The following SULF2 variants were observed in gnomAD, a reference collection of about 807,000 sequenced individuals.
SULF2 encodes sulfatase 2, also known as extracellular sulfatase Sulf-2.
In SULF2, 52 loss-of-function variants were observed where a neutral mutation model predicts 107.7. That is an observed-to-expected ratio of 0.48 (90% CI 0.39 to 0.61). The LOEUF (loss-of-function observed/expected upper bound fraction) is 0.61, where lower values mean the gene tolerates loss of function less well. Among genes scored for constraint, SULF2 ranks in the 20% least tolerant of loss-of-function variants. SULF2 has a pLI of 0.00. For synonymous variants in SULF2, 460 were observed against 464.3 expected (o/e 0.99, Z 0.12); for missense variants, 993 against 1,177.3 (o/e 0.84, Z 2.29).
intron 3 of SULF2, 85 bp from the exon 4 acceptor site, chr20:47,702,755 T>C (rs1160406946): frequency 1.8e-5 from 24 of 1,324,280 alleles, no homozygotes; most frequent in Non-Finnish European, 2.2e-5. Context: ...GGCCTGAGCA[T>C]GCACACCTGC....
At chr20:47,682,102 C>T (rs762088714) in intron 7 of SULF2, among the ~76,000 whole-genome samples, 5 of 152,096 alleles carry the variant, frequency 3.3e-5, no homozygotes, top group East Asian at 3.9e-4. Flanking sequence ...CAAAGACGGG[C>T]GTGATCTGAT....
intron 2 of SULF2, among the ~76,000 whole-genome samples, chr20:47,742,263 G>A (rs1016303958): frequency 6.6e-6 from 1 of 152,228 alleles, no homozygotes; most frequent in African/African-American, 2.4e-5. Context: ...TCCGACGGGA[G>A]GGAAGGACCT....
intron 3 of SULF2, among the ~76,000 whole-genome samples, chr20:47,714,472 C>T (rs1318117809): frequency 6.6e-6 from 1 of 152,158 alleles, no homozygotes; most frequent in African/African-American, 2.4e-5. Flanking sequence ...CTGACCACTT[C>T]CCATCATCCG....
chr20:47,674,384 T>C (rs1399458386), intron 10 of SULF2, among the ~76,000 whole-genome samples: 1 of 152,214 alleles, frequency 6.6e-6, no homozygotes, highest in East Asian at 1.9e-4. Context: ...CACTTGAAGC[T>C]GTGAGGCTGT....
chr20:47,757,727 G>A (rs1038484218), intron 1 of SULF2, among the ~76,000 whole-genome samples: 4 of 152,092 alleles, frequency 2.6e-5, no homozygotes, highest in Non-Finnish European at 4.4e-5. Context: ...TGATGTGTCG[G>A]TGGCAGCCCA....
At position 47,661,853 on chromosome 20, in the gene SULF2, T is replaced by C. The variant is rs1460477998; in HGVS notation, c.2414A>G (p.Gln805Arg). The C allele has an allele frequency of 1.3e-6, 2 of 1,595,254 alleles. No individual in the cohort carries two copies. Among genetic ancestry groups the C allele is most frequent in the African/African-American group, 2.7e-5 (2 of 74,710 alleles). Residue 805 changes from glutamine to arginine, a missense_variant, in exon 18 of 21, where the codon CAG becomes CGG. Transcript: ENST00000688720. ...VNTLDRDVLN[Q>R]LHVQLMELRS... is the part of the protein sequence containing the mutation. ...CAGCTCCATGAGCTGTACGTGTAGC[T>C]GGTTGAGGACATCCCTGTCCAGTGT...
At chr20:47,690,993 C>T (rs1200575665) in intron 4 of SULF2, among the ~76,000 whole-genome samples, 2 of 152,110 alleles carry the variant, frequency 1.3e-5, no homozygotes, top group Non-Finnish European at 2.9e-5. Flanking sequence ...ATAGAAAGTA[C>T]GTATGATGAT....
intron 2 of SULF2, among the ~76,000 whole-genome samples, chr20:47,745,097 T>C (rs6063144): frequency 0.29 from 43,282 of 151,752 alleles, 7,049 homozygotes; most frequent in African/African-American, 0.46. Context: ...GACTTTGAGC[T>C]TCAGCTTCCC....
At chr20:47,661,482 C>T in intron 18 of SULF2, 1 of 245,338 alleles carries the variant, frequency 4.1e-6, no homozygotes, top group Non-Finnish European at 8.3e-6. Flanking sequence ...GGTGTAAGTT[C>T]TCAGGAAGTG....
intron 3 of SULF2, among the ~76,000 whole-genome samples, chr20:47,717,886 T>C (rs2089173621): frequency 1.3e-5 from 2 of 150,832 alleles, no homozygotes; most frequent in South Asian, 4.2e-4. Context: ...CGATCTCGGC[T>C]CACTGCAAAC....
At chr20:47,704,196 G>A (rs1477508310) in intron 3 of SULF2, among the ~76,000 whole-genome samples, 3 of 152,192 alleles carry the variant, frequency 2.0e-5, no homozygotes, top group Non-Finnish European at 4.4e-5. Context: ...TCATCAGGAA[G>A]GGGATGTGCC....
At chr20:47,660,597 CTTTTT>C (rs1030414920) in intron 18 of SULF2, among the ~76,000 whole-genome samples, 1 of 151,952 alleles carries the variant, frequency 6.6e-6, no homozygotes, top group Non-Finnish European at 1.5e-5. Flanking sequence ...GCTTTGTTTT[CTTTTT>C]TTAATATATT....
intron 1 of SULF2, among the ~76,000 whole-genome samples, chr20:47,768,731 G>C (rs62200258): frequency 6.6e-6 from 1 of 152,094 alleles, no homozygotes; most frequent in African/African-American, 2.4e-5. Flanking sequence ...CACCCTGGCT[G>C]TGACTTGGGC....
In SULF2 at chr20:47,757,326, G is replaced by A. The variant is rs370433383; in HGVS notation, c.38C>T (p.Ala13Val). 4.4e-6 allele frequency: 7 copies of A among 1,603,480 alleles called. No homozygotes were observed. The highest frequency in any genetic ancestry group is 3.4e-5 in the Admixed American group (2 of 58,678). The change falls in exon 2 of 21, where the codon GCA (alanine) becomes GTA (valine). Residue 13 changes from alanine (A) to valine (V), a missense_variant. Around this residue, in one of 3 missense-constraint regions of SULF2, gnomAD observed 388 missense variants for 449.2 expected, o/e 0.86. Coordinates refer to ENST00000688720, the MANE Select transcript of SULF2 (RefSeq NM_001387048.1). The stretch of plus-strand genomic sequence containing the variant: ...TCCACCCAGCAGGGAGAACACAGTT[G>A]CGGACAGCAAGCACAGCACGAGGCT... ...PPSLVLCLLS[A>V]TVFSLLGGSS...
intron 17 of SULF2, among the ~76,000 whole-genome samples, chr20:47,662,687 G>T (rs1166155483): frequency 6.6e-6 from 1 of 152,236 alleles, no homozygotes; most frequent in Non-Finnish European, 1.5e-5. Flanking sequence ...GCTTGGTGCA[G>T]TGTGTTACTG....
intron 1 of SULF2, among the ~76,000 whole-genome samples, chr20:47,782,060 T>C (rs1263115406): frequency 6.6e-6 from 1 of 152,210 alleles, no homozygotes; most frequent in African/African-American, 2.4e-5. Flanking sequence ...TTTCTTCTCT[T>C]TTTCCGTTGC....
intron 3 of SULF2, among the ~76,000 whole-genome samples, chr20:47,727,826 C>T (rs902835074): frequency 1.3e-5 from 2 of 152,208 alleles, no homozygotes; most frequent in South Asian, 2.1e-4. Context: ...GCGCTTAAGG[C>T]GGAGTCTAAT....
At chr20:47,697,932 G>A (rs536915871) in intron 4 of SULF2, among the ~76,000 whole-genome samples, 1 of 152,208 alleles carries the variant, frequency 6.6e-6, no homozygotes, top group Non-Finnish European at 1.5e-5. Context: ...TGGGAGGAGG[G>A]AAACAGCGTG....
At chr20:47,687,498 G>T (rs2088048633) in intron 5 of SULF2, among the ~76,000 whole-genome samples, 1 of 152,172 alleles carries the variant, frequency 6.6e-6, no homozygotes, top group African/African-American at 2.4e-5. Context: ...TCCACTGTGT[G>T]TCTGGGGCCA....
Sources: gnomAD v4.1 joint callset for allele counts (sites outside exome capture counted in the v4.1 genomes callset) on GRCh38, gnomAD v4.1.1 for gene constraint, gnomAD v4.1.1 regional missense constraint, MANE v1.5 for transcripts, NCBI Gene and HGNC (gene_info 2026-07-23, HGNC 2026-07-21) for gene names.